GABRA2: variants seen among roughly 807,000 people sequenced by gnomAD.
GABRA2 encodes the protein gamma-aminobutyric acid type A receptor subunit alpha2, also known as gamma-aminobutyric acid receptor subunit alpha-2.
A neutral mutation model predicts 48.7 loss-of-function variants in GABRA2; 16 were observed. The observed-to-expected ratio is 0.33, with a 90% CI of 0.22 to 0.50. The LOEUF (loss-of-function observed/expected upper bound fraction) is 0.50, where lower values mean the gene tolerates loss of function less well. Ranked by LOEUF, GABRA2 falls within the 20% of genes least tolerant of loss-of-function variation. The pLI is 0.98. For synonymous variants in GABRA2, 185 were observed against 184.5 expected, an observed-to-expected ratio of 1.00 and a Z score of -0.02; for missense variants, 275 against 535.6, an observed-to-expected ratio of 0.51 and a Z score of 4.80.
intron 6 of GABRA2, among the ~76,000 whole-genome samples, chr4:46,309,902 C>T (rs1335761970): frequency 2.0e-5 from 3 of 152,020 alleles, no homozygotes; most frequent in African/African-American, 7.2e-5. Flanking sequence ...AATTACAGTC[C>T]TAACCTCCAA....
At chr4:46,314,809 C>A (rs752804297) in intron 4 of GABRA2, among the ~76,000 whole-genome samples, 1 of 152,030 alleles carries the variant, frequency 6.6e-6, no homozygotes, top group African/African-American at 2.4e-5. Flanking sequence ...TGCTGCAGAG[C>A]GCAAGATTTT....
intron 8 of GABRA2, among the ~76,000 whole-genome samples, chr4:46,283,700 T>G (rs1721971248): frequency 6.6e-6 from 1 of 152,222 alleles, no homozygotes. Flanking sequence ...GAACTCTCTG[T>G]ACTCACCAAA....
At chr4:46,267,487 C>T in intron 8 of GABRA2, among the ~76,000 whole-genome samples, 1 of 151,246 alleles carries the variant, frequency 6.6e-6, no homozygotes, top group Non-Finnish European at 1.5e-5. Context: ...ATTTTTTTTT[C>T]CTGAAAATGG....
rs201175842 is a variant in GABRA2 at position 46,389,732 on chromosome 4, T to C, written c.-11+3A>G. The C allele has an allele frequency of 2.1e-5, 21 of 981,030 alleles. No homozygotes were observed. In the African/African-American group the frequency reaches 3.6e-4, roughly 17 times the overall value. The allele number at this position is 981,030 out of a possible 1,614,324, so 60.8% of individuals were successfully genotyped here. ...CTATCGGGACCAACGTGTGCGACCC[T>C]ACCTGAAACGGCAAGCAGAATTCGG... On this transcript the variant is annotated splice_donor_region_variant and intron_variant, in intron 1 of 9. Coordinates refer to ENST00000381620, the MANE Select transcript of GABRA2 (RefSeq NM_000807.4).
At chr4:46,346,180 T>A (rs1332847410) in intron 3 of GABRA2, among the ~76,000 whole-genome samples, 1 of 151,960 alleles carries the variant, frequency 6.6e-6, no homozygotes, top group Non-Finnish European at 1.5e-5. Context: ...CTTAAGTGAC[T>A]TCTGTGTATA....
chr4:46,254,182 G>C (rs1715357827), intron 9 of GABRA2, among the ~76,000 whole-genome samples: 1 of 151,452 alleles, frequency 6.6e-6, no homozygotes, highest in Non-Finnish European at 1.5e-5. Flanking sequence ...AAAAATAACT[G>C]TGTTGGGAGA....
Position 46,330,585 on chromosome 4 carries a change from T to TAGAGAG in GABRA2, c.255+2029_255+2030insCTCTCT, listed in dbSNP as rs1284493121. On this transcript the variant is annotated intron_variant, in intron 4 of 9. Coordinates refer to ENST00000381620, the MANE Select transcript of GABRA2 (RefSeq NM_000807.4). ...ATGCATATATATATATATATATATA[T>TAGAGAG]ATATATAGAGAGAGAGAGAGAGAGA... Among the ~76,000 whole-genome samples, 448 of 117,644 alleles carry TAGAGAG rather than the reference T, an allele frequency of 3.8e-3. 3 individuals carry two copies. Among genetic ancestry groups the TAGAGAG allele is most frequent in the African/African-American group, 0.012 (426 of 34,168 alleles). 77.2% of individuals were successfully genotyped at this position (117,644 alleles called of 152,430 possible). A position where few individuals can be genotyped will look rare whatever the true frequency, so the allele number is the denominator to read the frequency against.
chr4:46,322,860 C>G (rs1437577048), intron 4 of GABRA2, among the ~76,000 whole-genome samples: 2 of 151,964 alleles, frequency 1.3e-5, no homozygotes, highest in Admixed American at 6.6e-5. Context: ...TGGCAGCAAT[C>G]TGCAAACAAT....
Position 46,277,044 on chromosome 4 carries a change from C to A in GABRA2, c.857-14916G>T, listed in dbSNP as rs374353451. ...AAAACAATTGCATATACTTTTAATT[C>A]CCCCCTATGTCCTTACTGTGAGGAG... On this transcript the variant is annotated intron_variant, in intron 8 of 9. Coordinates refer to ENST00000381620, the MANE Select transcript of GABRA2 (RefSeq NM_000807.4). Among the ~76,000 whole-genome samples the A allele has an allele frequency of 2.6e-5, 4 of 152,010 alleles. No individual in the cohort carries two copies. The East Asian group carries it at 7.7e-4, about 29-fold the overall frequency.
At chr4:46,313,594 CCTCT>C (rs974511935) in intron 4 of GABRA2, among the ~76,000 whole-genome samples, 5 of 144,506 alleles carry the variant, frequency 3.5e-5, no homozygotes, top group Admixed American at 2.8e-4. Flanking sequence ...TCTCTCTTTA[CCTCT>C]CTCTCTATCT....
At chr4:46,326,938 A>C (rs1256385459) in intron 4 of GABRA2, among the ~76,000 whole-genome samples, 1 of 151,814 alleles carries the variant, frequency 6.6e-6, no homozygotes, top group Non-Finnish European at 1.5e-5. Context: ...CAATTCCCCA[A>C]GATGTCATTC....
At position 46,356,977 on chromosome 4, in the gene GABRA2, GT is replaced by G. The variant is rs1333588006; in HGVS notation, c.188-24296del. On this transcript the variant is annotated intron_variant, in intron 3 of 9. Transcript: ENST00000381620. ...AGAAGAGTTGTGTCCTGTTTTCTGG[GT>G]TTGTTTTTTTTTTGTTTTGTTTTGT... is the stretch of plus-strand genomic sequence containing the variant. Among the ~76,000 whole-genome samples, 20 of 150,850 alleles carry G rather than the reference GT, an allele frequency of 1.3e-4. No homozygotes were observed. The East Asian group carries it at 3.3e-3, about 25-fold the overall frequency.
rs754376307 is a variant in GABRA2, at chr4:46,246,755, A to G, written c.*3553T>C. ...CCTCATATTTCCAAGTAAATAATAA[A>G]TATGTCTGTGTTTCACAGACATGTG... On this transcript the variant is annotated 3_prime_UTR_variant, in exon 10 of 10. Coordinates refer to ENST00000381620, the MANE Select transcript of GABRA2 (RefSeq NM_000807.4). Among the ~76,000 whole-genome samples the G allele has an allele frequency of 1.3e-5, 2 of 151,288 alleles. No homozygotes were observed. Among genetic ancestry groups the G allele is most frequent in the Non-Finnish European group, 3.0e-5 (2 of 67,468 alleles).
intron 8 of GABRA2, among the ~76,000 whole-genome samples, chr4:46,295,366 G>A (rs758394702): frequency 2.6e-5 from 4 of 152,226 alleles, no homozygotes; most frequent in Non-Finnish European, 5.9e-5. Flanking sequence ...TGGTGACAAA[G>A]AAATTTGAGG....
chr4:46,316,436 C>T (rs999443243), intron 4 of GABRA2, among the ~76,000 whole-genome samples: 1 of 151,966 alleles, frequency 6.6e-6, no homozygotes, highest in Admixed American at 6.6e-5. Context: ...ACTCTGTTTA[C>T]AAATATAGGC....
chr4:46,294,677 A>G (rs1415940515), intron 8 of GABRA2, among the ~76,000 whole-genome samples: 3 of 152,176 alleles, frequency 2.0e-5, no homozygotes, highest in Non-Finnish European at 1.5e-5. Context: ...AGACCCCCAT[A>G]GGTGAACCCC....
intron 8 of GABRA2, among the ~76,000 whole-genome samples, chr4:46,264,783 T>C (rs1717763033): frequency 6.6e-6 from 1 of 151,866 alleles, no homozygotes; most frequent in African/African-American, 2.4e-5. Context: ...GTATGTTTGG[T>C]GGAACTCACC....
At chr4:46,365,771 CT>C in intron 3 of GABRA2, 1 of 152,208 alleles carries the variant, frequency 6.6e-6, no homozygotes, top group East Asian at 1.9e-4. Context: ...AAAGCCTGAT[CT>C]TTTCCAAAGT....
intron 4 of GABRA2, among the ~76,000 whole-genome samples, chr4:46,331,505 A>G (rs1159341324): frequency 6.6e-6 from 1 of 152,214 alleles, no homozygotes; most frequent in African/African-American, 2.4e-5. Flanking sequence ...TTGTTTATCC[A>G]GGTAGAAAAT....
Sources: gnomAD v4.1 joint callset for allele counts (sites outside exome capture counted in the v4.1 genomes callset) on GRCh38, gnomAD v4.1.1 for gene constraint, MANE v1.5 for transcripts, NCBI Gene and HGNC (gene_info 2026-07-23, HGNC 2026-07-21) for gene names.